GLS: variants seen among roughly 807,000 people sequenced by gnomAD.
GLS encodes glutaminase kidney isoform, mitochondrial.
GLS carries 36 observed loss-of-function variants against 86.7 expected under a neutral mutation model. That is an observed-to-expected ratio of 0.42 (90% confidence interval 0.32 to 0.55). GLS has a LOEUF of 0.55. Ranked by LOEUF, GLS falls within the 20% of genes least tolerant of loss-of-function variation. The pLI, the probability that GLS is intolerant of heterozygous loss-of-function variation, is 0.17. For synonymous variants in GLS, 317 were observed against 305.9 expected, an observed-to-expected ratio of 1.04 and a Z score of -0.38; for missense variants, 528 against 833.4, an observed-to-expected ratio of 0.63 and a Z score of 4.51.
chr2:190,899,328 ATGT>A (rs933681149), intron 3 of GLS, among the ~76,000 whole-genome samples: 4 of 152,118 alleles, frequency 2.6e-5, no homozygotes, highest in Admixed American at 6.5e-5. Flanking sequence ...AATTTTTTTA[ATGT>A]TGTAATAGGG....
chr2:190,901,721 A>AT (rs1558971889), intron 4 of GLS, among the ~76,000 whole-genome samples: 1 of 152,098 alleles, frequency 6.6e-6, no homozygotes, highest in Admixed American at 6.5e-5. Flanking sequence ...AAAATAAGAA[A>AT]TAATAGAGAC....
Position 190,921,961 on chromosome 2 carries a change from T to C in GLS, c.1130+758T>C, listed in dbSNP as rs1689751505. On this transcript the variant is annotated intron_variant, in intron 9 of 17. Transcript: ENST00000320717. This position sits in a 1 kb window ranked among gnomAD's most constrained non-coding sequence, Gnocchi z 4.2. ...TATTACGATGTCTGTTTTGTCTCTTTACTTAGAACAGTCCCCGTGCCCTTG... is the reference window on the plus strand; with the variant it reads ...TATTACGATGTCTGTTTTGTCTCTTCACTTAGAACAGTCCCCGTGCCCTTG... Among the ~76,000 whole-genome samples the C allele has an allele frequency of 6.6e-6, 1 of 152,138 alleles. No homozygotes were observed. Among genetic ancestry groups the C allele is most frequent in the South Asian group, 2.1e-4 (1 of 4,832 alleles).
At chr2:190,961,461 T>A (rs1455133508) in intron 17 of GLS, among the ~76,000 whole-genome samples, 1 of 152,208 alleles carries the variant, frequency 6.6e-6, no homozygotes, top group African/African-American at 2.4e-5. Flanking sequence ...CCTCCCAAAG[T>A]GATAGGATTA....
rs1689845357 is a variant in GLS at position 190,924,731 on chromosome 2, A to G, written c.1248+138A>G. Reference sequence around the variant, plus strand: ...AGAGATAGAGGTCATCCTGGCCAACATGGTGAAACCCCATCTCTACTAAAA... The same window carrying G: ...AGAGATAGAGGTCATCCTGGCCAACGTGGTGAAACCCCATCTCTACTAAAA... On this transcript the variant is annotated intron_variant, in intron 11 of 17. Transcript: ENST00000320717. The surrounding 1 kb of genome is among the most constrained non-coding windows in gnomAD (Gnocchi z 5.2). The G allele has an allele frequency of 1.2e-5, 7 of 606,990 alleles. 1 individual carries two copies. Among genetic ancestry groups the G allele is most frequent in the South Asian group, 8.5e-5 (5 of 58,980 alleles). 37.6% of individuals were successfully genotyped at this position (606,990 alleles called of 1,614,324 possible).
chr2:190,944,970 T>C (rs1406936321), intron 14 of GLS, among the ~76,000 whole-genome samples: 1 of 152,240 alleles, frequency 6.6e-6, no homozygotes, highest in East Asian at 1.9e-4. Context: ...ATTGTTTCTT[T>C]GTTGCTATTT....
intron 12 of GLS, chr2:190,927,692 C>T: frequency 2.3e-6 from 1 of 440,640 alleles, no homozygotes; most frequent in Non-Finnish European, 4.0e-6. Context: ...ATTTATAGAA[C>T]CTCATCCCTT....
At chr2:190,942,376 G>A (rs931514359) in intron 14 of GLS, among the ~76,000 whole-genome samples, 5 of 152,068 alleles carry the variant, frequency 3.3e-5, no homozygotes, top group South Asian at 2.1e-4. Context: ...CACCACACCC[G>A]GCTGAAACTT....
chr2:190,913,871 C>A lies in GLS; in HGVS notation c.1038+3550C>A. ...TCTAAGTGCAGTGGTACAGTCATAA[C>A]CCACTGCAGCCTCAAACTCCTGTGC... is the stretch of plus-strand genomic sequence containing the variant. On this transcript the variant is annotated intron_variant, in intron 7 of 17. Transcript: ENST00000320717. This position sits in a 1 kb window ranked among gnomAD's most constrained non-coding sequence, Gnocchi z 6.1. 1 of 268,838 alleles carries A rather than the reference C, an allele frequency of 3.7e-6. No individual in the cohort carries two copies. The highest frequency in any genetic ancestry group is 5.7e-6 in the Non-Finnish European group (1 of 174,844). 16.7% of individuals were successfully genotyped at this position (268,838 alleles called of 1,614,324 possible). A position where few individuals can be genotyped will look rare whatever the true frequency, so the allele number is the denominator to read the frequency against.
In GLS at chr2:190,924,798, C is replaced by A. The variant is rs1295740802; in HGVS notation, c.1248+205C>A. 1.4e-5 allele frequency: 6 copies of A among 430,188 alleles called. No individual in the cohort carries two copies. In the Admixed American group the frequency reaches 1.9e-4, roughly 14 times the overall value. 26.6% of individuals were successfully genotyped at this position (430,188 alleles called of 1,614,324 possible). On this transcript the variant is annotated intron_variant, in intron 11 of 17. Coordinates refer to ENST00000320717, the MANE Select transcript of GLS (RefSeq NM_014905.5). The surrounding 1 kb of genome is among the most constrained non-coding windows in gnomAD (Gnocchi z 5.2). ...GGTGTGGTAGTGTGTGCCTGTAGTCCCAGTTACTTGTGAGGCTGAGGCAGG... is the reference window on the plus strand; with the variant it reads ...GGTGTGGTAGTGTGTGCCTGTAGTCACAGTTACTTGTGAGGCTGAGGCAGG...
intron 1 of GLS, among the ~76,000 whole-genome samples, chr2:190,891,176 C>T (rs1298121256): frequency 6.6e-6 from 1 of 152,152 alleles, no homozygotes; most frequent in African/African-American, 2.4e-5. Context: ...AAATTAAATA[C>T]TTCATCTGTA....
intron 1 of GLS, 176 bp downstream of exon 1, chr2:190,881,646 C>T (rs33998570): frequency 1.2e-5 from 7 of 581,290 alleles, no homozygotes; most frequent in Admixed American, 4.2e-5. Flanking sequence ...CCGCCCGCGC[C>T]TTCCCCGCCC....
At chr2:190,896,765 G>A (rs986224884) in intron 3 of GLS, among the ~76,000 whole-genome samples, 7 of 152,122 alleles carry the variant, frequency 4.6e-5, no homozygotes, top group East Asian at 3.8e-4. Context: ...CTTTAGGTCC[G>A]TGTTGCAGTT....
intron 6 of GLS, among the ~76,000 whole-genome samples, chr2:190,908,065 C>T (rs13012566): frequency 5.1e-4 from 77 of 152,156 alleles, no homozygotes; most frequent in Admixed American, 7.8e-4. Flanking sequence ...CACATTTTTT[C>T]CAACCATCCT....
intron 3 of GLS, chr2:190,896,150 T>G (rs180961872): frequency 6.5e-6 from 1 of 153,004 alleles, no homozygotes; most frequent in African/African-American, 2.4e-5. Flanking sequence ...TTCCTCACAT[T>G]TACATACCTG....
At chr2:190,890,463 G>A (rs1214486773) in intron 1 of GLS, among the ~76,000 whole-genome samples, 1 of 152,182 alleles carries the variant, frequency 6.6e-6, no homozygotes, top group South Asian at 2.1e-4. Flanking sequence ...CTTAAAAGAT[G>A]TAAGTTTTTA....
In GLS at chr2:190,898,634, A is replaced by G. The variant is rs147858201; in HGVS notation, c.606-1930A>G. Among the ~76,000 whole-genome samples, 322 of 152,296 alleles carry G rather than the reference A, an allele frequency of 2.1e-3. 1 individual carries two copies. Among genetic ancestry groups the G allele is most frequent in the African/African-American group, 7.1e-3 (295 of 41,560 alleles). On this transcript the variant is annotated intron_variant, in intron 3 of 17. Coordinates refer to ENST00000320717, the MANE Select transcript of GLS (RefSeq NM_014905.5). ...CTGAGTGTATAATTTTGTTAATTAT[A>G]AATCCTTTTTTTTTGAGATGGAGTT... is the stretch of plus-strand genomic sequence containing the variant.
In GLS at chr2:190,913,710, A is replaced by G. The variant is rs1475187857; in HGVS notation, c.1038+3389A>G. 8 of 970,926 alleles carry G rather than the reference A, an allele frequency of 8.2e-6. No individual in the cohort carries two copies. The African/African-American group carries it at 8.8e-5, about 11-fold the overall frequency. 60.1% of individuals were successfully genotyped at this position (970,926 alleles called of 1,614,324 possible). A position where few individuals can be genotyped will look rare whatever the true frequency, so the allele number is the denominator to read the frequency against. On this transcript the variant is annotated intron_variant, in intron 7 of 17. Transcript: ENST00000320717. The surrounding 1 kb of genome is among the most constrained non-coding windows in gnomAD (Gnocchi z 6.1). ...GTTAGGATAGGAAAATGAGGACAAC[A>G]TACTGCAAAATAATTGCCACACTTA...
rs1690767547 is a variant in GLS, at chr2:190,953,330, TC to T, written c.1651-233del. ...CTTCTGCCAAGTGATATTATTCCAT[TC>T]CTTCCCTTGTGTATCTTATCTTTAT... On this transcript the variant is annotated intron_variant, in intron 14 of 17. Transcript: ENST00000320717. This position sits in a 1 kb window ranked among gnomAD's most constrained non-coding sequence, Gnocchi z 4.0. Among the ~76,000 whole-genome samples, 1 of 152,200 alleles carries T rather than the reference TC, an allele frequency of 6.6e-6. No individual in the cohort carries two copies.
At chr2:190,960,029 CCT>C (rs1217663520) in intron 17 of GLS, among the ~76,000 whole-genome samples, 4 of 152,084 alleles carry the variant, frequency 2.6e-5, no homozygotes, top group African/African-American at 9.7e-5. Flanking sequence ...CTGCTCCTCT[CCT>C]CTCTCTCCTG....
Sources: allele counts gnomAD v4.1 joint callset (sites outside exome capture counted in the v4.1 genomes callset), GRCh38; gene constraint gnomAD v4.1.1; non-coding constraint Gnocchi (gnomAD v3.1); transcripts MANE v1.5; gene names NCBI Gene and HGNC (gene_info 2026-07-23, HGNC 2026-07-21).